ST18: variants seen among roughly 807,000 people sequenced by gnomAD.
The protein encoded by ST18 is suppression of tumorigenicity 18 protein.
ST18 carries 50 observed loss-of-function variants against 110.0 expected under a neutral mutation model. That is an observed-to-expected ratio of 0.45 (90% confidence interval 0.36 to 0.58). The LOEUF is 0.58. Ranked by LOEUF, ST18 falls within the 20% of genes least tolerant of loss-of-function variation. The pLI, the probability that ST18 is intolerant of heterozygous loss-of-function variation, is 0.00. For missense variants in ST18, 1,306 were observed against 1,280.1 expected (o/e 1.02, Z -0.31); for synonymous variants, 461 against 452.4 (o/e 1.02, Z -0.24).
At chr8:52,324,419 T>C (rs1805379959) in intron 2 of ST18, among the ~76,000 whole-genome samples, 1 of 151,940 alleles carries the variant, frequency 6.6e-6, no homozygotes. Context: ...ATAAGAGTTC[T>C]GGGGACTAAA....
rs116752140 is a variant in ST18 at position 52,314,605 on chromosome 8, G to C, written c.-464-84528C>G. On this transcript the variant is annotated intron_variant, in intron 2 of 25. Transcript: ENST00000689386. ...CTTATAGCCCAGCTTTCTCCTCTCCGTTTTGCTGATGGTCCCTTTTCCAGG... is the reference window on the plus strand; with the variant it reads ...CTTATAGCCCAGCTTTCTCCTCTCCCTTTTGCTGATGGTCCCTTTTCCAGG... Among the ~76,000 whole-genome samples the C allele has an allele frequency of 6.0e-3, 914 of 152,224 alleles. 7 individuals carry two copies. Among genetic ancestry groups the C allele is most frequent in the African/African-American group, 0.021 (866 of 41,526 alleles).
intron 2 of ST18, among the ~76,000 whole-genome samples, chr8:52,297,964 C>A (rs984854522): frequency 6.6e-6 from 1 of 152,192 alleles, no homozygotes; most frequent in Non-Finnish European, 1.5e-5. Context: ...TTGTTTTCCC[C>A]AGTGACATTC....
intron 16 of ST18, 129 bp downstream of exon 16, chr8:52,149,603 A>C (rs1401784959): frequency 1.5e-6 from 2 of 1,311,150 alleles, no homozygotes; most frequent in Non-Finnish European, 2.0e-6. Context: ...CTTTATCAAA[A>C]TCTAAAGCAA....
intron 9 of ST18, among the ~76,000 whole-genome samples, chr8:52,176,427 A>T (rs1456249548): frequency 6.6e-6 from 1 of 152,174 alleles, no homozygotes; most frequent in Non-Finnish European, 1.5e-5. Context: ...CAACTTTCTT[A>T]ACAACAAAAC....
intron 2 of ST18, among the ~76,000 whole-genome samples, chr8:52,267,378 A>G (rs2094906710): frequency 6.6e-6 from 1 of 151,058 alleles, no homozygotes; most frequent in Non-Finnish European, 1.5e-5. Flanking sequence ...AGAGAGCAGG[A>G]TCTTGCAATA....
chr8:52,191,006 T>C (rs2074294032), intron 8 of ST18, among the ~76,000 whole-genome samples: 1 of 152,154 alleles, frequency 6.6e-6, no homozygotes, highest in Non-Finnish European at 1.5e-5. Context: ...AAGCATAATA[T>C]CATATTGGCT....
intron 2 of ST18, among the ~76,000 whole-genome samples, chr8:52,391,210 C>T (rs1280604574): frequency 6.6e-6 from 1 of 152,176 alleles, no homozygotes; most frequent in Non-Finnish European, 1.5e-5. Flanking sequence ...AGAGCCTTCT[C>T]TCATTCTCCT....
At chr8:52,211,800 G>A (rs2082264943) in intron 8 of ST18, among the ~76,000 whole-genome samples, 1 of 152,160 alleles carries the variant, frequency 6.6e-6, no homozygotes, top group Non-Finnish European at 1.5e-5. Flanking sequence ...TGTGCACAAA[G>A]GGATCACATG....
At chr8:52,316,229 G>T (rs927466441) in intron 2 of ST18, among the ~76,000 whole-genome samples, 2 of 152,062 alleles carry the variant, frequency 1.3e-5, no homozygotes, top group African/African-American at 2.4e-5. Flanking sequence ...TAACATCATT[G>T]AATGTGCCTC....
intron 2 of ST18, among the ~76,000 whole-genome samples, chr8:52,385,589 C>T (rs1300561619): frequency 1.1e-5 from 1 of 92,868 alleles, no homozygotes; most frequent in Non-Finnish European, 2.2e-5. Flanking sequence ...GACAGCAAGA[C>T]TCCGACTCAA....
At chr8:52,250,466 A>AAAAAAAAAAAAAAAC in intron 2 of ST18, among the ~76,000 whole-genome samples, 2 of 149,806 alleles carry the variant, frequency 1.3e-5, no homozygotes, top group Non-Finnish European at 3.0e-5. Flanking sequence ...AAAAAAAAAA[A>AAAAAAAAAAAAAAAC]AAAAAAAAAA....
At chr8:52,377,349 T>A (rs1319848980) in intron 2 of ST18, among the ~76,000 whole-genome samples, 2 of 152,334 alleles carry the variant, frequency 1.3e-5, no homozygotes, top group East Asian at 3.9e-4. Flanking sequence ...TAGATCTATG[T>A]GGTGACTGAT....
intron 22 of ST18, among the ~76,000 whole-genome samples, chr8:52,128,893 T>TA (rs2048118579): frequency 6.6e-6 from 1 of 152,210 alleles, no homozygotes; most frequent in Non-Finnish European, 1.5e-5. Flanking sequence ...ACAAGTTACT[T>TA]ATAAGGGTGC....
chr8:52,331,337 A>G (rs1325975198), intron 2 of ST18, among the ~76,000 whole-genome samples: 1 of 151,216 alleles, frequency 6.6e-6, no homozygotes, highest in Non-Finnish European at 1.5e-5. Context: ...TATATAATAT[A>G]TACATATATT....
intron 5 of ST18, among the ~76,000 whole-genome samples, chr8:52,219,388 A>G (rs1186842807): frequency 6.6e-6 from 1 of 152,250 alleles, no homozygotes; most frequent in Non-Finnish European, 1.5e-5. Flanking sequence ...AAACTTAAAA[A>G]AAACTAAACT....
chr8:52,137,388 G>T, intron 18 of ST18, 33 bp downstream of exon 18: 1 of 1,611,718 alleles, frequency 6.2e-7, no homozygotes, highest in South Asian at 1.1e-5. Context: ...ACAAGACCAT[G>T]AAAATCTGAC....
intron 17 of ST18, among the ~76,000 whole-genome samples, chr8:52,140,156 T>G (rs2054358558): frequency 1.3e-5 from 2 of 152,212 alleles, no homozygotes; most frequent in African/African-American, 4.8e-5. Flanking sequence ...TGGAATGTAG[T>G]ATGACTTTTA....
chr8:52,318,761 C>G (rs116947900), intron 2 of ST18, among the ~76,000 whole-genome samples: 2 of 152,078 alleles, frequency 1.3e-5, no homozygotes, highest in African/African-American at 4.8e-5. Flanking sequence ...TAAAAAGGAA[C>G]AAGATCGTAT....
At chr8:52,323,282 G>C (rs1344367140) in intron 2 of ST18, among the ~76,000 whole-genome samples, 1 of 152,150 alleles carries the variant, frequency 6.6e-6, no homozygotes, top group Non-Finnish European at 1.5e-5. Context: ...GTTTTTATTT[G>C]AGGTTCAGTG....
Sources: allele counts gnomAD v4.1 joint callset (sites outside exome capture counted in the v4.1 genomes callset), GRCh38; gene constraint gnomAD v4.1.1; transcripts MANE v1.5; gene names NCBI Gene and HGNC (gene_info 2026-07-23, HGNC 2026-07-21).